B3GALT1: variants seen among roughly 807,000 people sequenced by gnomAD.
The protein encoded by B3GALT1 is beta-1,3-galactosyltransferase 1, also known as UDP-Gal:betaGlcNAc beta 1,3-galactosyltransferase, polypeptide 1.
B3GALT1 carries 10 observed loss-of-function variants against 23.2 expected under a neutral mutation model. The observed-to-expected ratio is 0.43, with a 90% CI of 0.27 to 0.73. The LOEUF (loss-of-function observed/expected upper bound fraction) is 0.73, where lower values mean the gene tolerates loss of function less well. Among genes scored for constraint, B3GALT1 ranks in the 30% least tolerant of loss-of-function variants. B3GALT1 has a pLI of 0.21. For missense variants in B3GALT1, 299 were observed against 405.4 expected (o/e 0.74, Z 2.25); for synonymous variants, 156 against 141.5 (o/e 1.10, Z -0.73).
At chr2:167,428,333 G>A (rs920543046) in intron 1 of B3GALT1, among the ~76,000 whole-genome samples, 6 of 152,154 alleles carry the variant, frequency 3.9e-5, no homozygotes, top group Non-Finnish European at 8.8e-5. Flanking sequence ...AAGGCCCTGT[G>A]GCATGCCAGA....
At chr2:167,570,251 T>A (rs984696066) in intron 2 of B3GALT1, among the ~76,000 whole-genome samples, 1 of 151,922 alleles carries the variant, frequency 6.6e-6, no homozygotes, top group African/African-American at 2.4e-5. Flanking sequence ...AATTTCTTCC[T>A]TAAATGTTTG....
rs373275467 is a variant in B3GALT1 at position 167,550,827 on chromosome 2, C to T, written c.-410+60550C>T. On this transcript the variant is annotated intron_variant, in intron 2 of 4. Transcript: ENST00000392690. ...TTTTTGAATGGTAGAGGCTTGAGCA[C>T]GTGCATTAAGTAGGGTAGGCCAGCT... Among the ~76,000 whole-genome samples, 63 of 152,286 alleles carry T rather than the reference C, an allele frequency of 4.1e-4. No individual in the cohort carries two copies. The East Asian group carries it at 7.3e-3, about 18-fold the overall frequency.
At chr2:167,426,943 C>T (rs1346826396) in intron 1 of B3GALT1, among the ~76,000 whole-genome samples, 1 of 152,066 alleles carries the variant, frequency 6.6e-6, no homozygotes, top group African/African-American at 2.4e-5. Context: ...TTAATATATC[C>T]CAAACTGGAT....
intron 3 of B3GALT1, among the ~76,000 whole-genome samples, chr2:167,679,095 TG>T (rs1437200189): frequency 6.7e-6 from 1 of 148,598 alleles, no homozygotes; most frequent in Non-Finnish European, 1.5e-5. Context: ...CATTGTTTTT[TG>T]TTTTTGTTTT....
intron 4 of B3GALT1, among the ~76,000 whole-genome samples, chr2:167,868,511 G>C (rs836702): frequency 0.31 from 45,974 of 149,552 alleles, 7,935 homozygotes; most frequent in East Asian, 0.54. Context: ...AAAAAAATAC[G>C]TCATGTGAAG....
intron 1 of B3GALT1, among the ~76,000 whole-genome samples, chr2:167,300,093 CG>C (rs933763298): frequency 4.6e-5 from 7 of 151,940 alleles, no homozygotes; most frequent in Non-Finnish European, 1.0e-4. Flanking sequence ...TTAGTAGATA[CG>C]GGGTTTCACC....
At chr2:167,469,534 A>C (rs1405304802) in intron 1 of B3GALT1, among the ~76,000 whole-genome samples, 2 of 152,204 alleles carry the variant, frequency 1.3e-5, no homozygotes, top group Non-Finnish European at 2.9e-5. Context: ...GTTACACTTA[A>C]GTAGTACATG....
chr2:167,554,781 A>G (rs746335595), intron 2 of B3GALT1, among the ~76,000 whole-genome samples: 1 of 152,192 alleles, frequency 6.6e-6, no homozygotes, highest in Non-Finnish European at 1.5e-5. Flanking sequence ...ATTAAGCAAA[A>G]TTAACGTTTG....
intron 3 of B3GALT1, among the ~76,000 whole-genome samples, chr2:167,804,936 C>T (rs904846772): frequency 4.6e-5 from 7 of 152,198 alleles, no homozygotes; most frequent in Non-Finnish European, 1.0e-4. Context: ...AGTTTACAGT[C>T]CCACCAACAG....
intron 2 of B3GALT1, among the ~76,000 whole-genome samples, chr2:167,499,620 T>A (rs1319864641): frequency 6.6e-6 from 1 of 152,166 alleles, no homozygotes; most frequent in Non-Finnish European, 1.5e-5. Context: ...GTCACTGTAA[T>A]TGCATAAAAA....
intron 3 of B3GALT1, among the ~76,000 whole-genome samples, chr2:167,731,641 C>T (rs893477386): frequency 3.9e-5 from 6 of 152,138 alleles, no homozygotes; most frequent in African/African-American, 1.4e-4. Context: ...TTTTCTAGGG[C>T]TATTTGAGCA....
intron 3 of B3GALT1, among the ~76,000 whole-genome samples, chr2:167,805,725 C>T (rs1285007012): frequency 2.6e-5 from 4 of 152,182 alleles, no homozygotes; most frequent in Non-Finnish European, 5.9e-5. Context: ...GTTTTGATTA[C>T]TGTAGCCTTG....
intron 4 of B3GALT1, among the ~76,000 whole-genome samples, chr2:167,857,966 A>G (rs1156869757): frequency 1.3e-5 from 2 of 152,192 alleles, no homozygotes; most frequent in African/African-American, 2.4e-5. Flanking sequence ...AAAAATCACA[A>G]AATCACAAAG....
At chr2:167,563,962 C>G (rs1181386627) in intron 2 of B3GALT1, among the ~76,000 whole-genome samples, 2 of 143,696 alleles carry the variant, frequency 1.4e-5, no homozygotes, top group African/African-American at 2.6e-5. Context: ...CCGACCCCCC[C>G]ACCTCCCTTC....
chr2:167,426,338 A>G (rs1192849736), intron 1 of B3GALT1, among the ~76,000 whole-genome samples: 1 of 149,748 alleles, frequency 6.7e-6, no homozygotes, highest in Admixed American at 6.7e-5. Flanking sequence ...GCAGTGGTGC[A>G]ATCTTGGCTC....
intron 3 of B3GALT1, among the ~76,000 whole-genome samples, chr2:167,697,822 A>C (rs1487344624): frequency 6.6e-6 from 1 of 152,202 alleles, no homozygotes; most frequent in African/African-American, 2.4e-5. Flanking sequence ...TTGAAAACAA[A>C]CAAACAAACA....
intron 1 of B3GALT1, among the ~76,000 whole-genome samples, chr2:167,418,546 C>T (rs1347218061): frequency 6.6e-6 from 1 of 152,154 alleles, no homozygotes; most frequent in Non-Finnish European, 1.5e-5. Context: ...ACCCCAACAA[C>T]CCTGAAGGCC....
At chr2:167,590,345 CAAAAAAAAAAAA>C (rs397873377) in intron 2 of B3GALT1, among the ~76,000 whole-genome samples, 1 of 78,308 alleles carries the variant, frequency 1.3e-5, no homozygotes, top group South Asian at 4.5e-4. Flanking sequence ...GACTCTGTCT[CAAAAAAAAAAAA>C]AAAAAAAAAG....
chr2:167,504,042 C>G (rs1699884213), intron 2 of B3GALT1, among the ~76,000 whole-genome samples: 2 of 152,196 alleles, frequency 1.3e-5, no homozygotes, highest in Non-Finnish European at 2.9e-5. Context: ...AGCAACAGAA[C>G]TACCACATCA....
Sources: gnomAD v4.1 joint callset for allele counts (sites outside exome capture counted in the v4.1 genomes callset) on GRCh38, gnomAD v4.1.1 for gene constraint, MANE v1.5 for transcripts, NCBI Gene and HGNC (gene_info 2026-07-23, HGNC 2026-07-21) for gene names.